The following ITPR1 variants were observed in gnomAD, a reference collection of about 807,000 sequenced individuals.
ITPR1 encodes the protein inositol 1,4,5-trisphosphate receptor type 1.
Under a neutral mutation model 318.4 loss-of-function variants are expected in ITPR1, and 96 were observed. That is an observed-to-expected ratio of 0.30 (90% CI 0.26 to 0.36). The LOEUF is 0.36. Ranked by LOEUF, ITPR1 falls within the 10% of genes least tolerant of loss-of-function variation. The probability of loss-of-function intolerance (pLI) is 1.00; values close to 1 mark genes in which losing one functional copy is unlikely to be tolerated. For missense variants in ITPR1, 2,440 were observed against 3,460.2 expected (o/e 0.71, Z 7.40); for synonymous variants, 1,312 against 1,289.9 (o/e 1.02, Z -0.37).
At chr3:4,626,094 G>T (rs950845266) in intron 4 of ITPR1, among the ~76,000 whole-genome samples, 3 of 151,976 alleles carry the variant, frequency 2.0e-5, no homozygotes, top group African/African-American at 7.3e-5. Context: ...TGCTATGATT[G>T]TCTGTGAATA....
intron 4 of ITPR1, among the ~76,000 whole-genome samples, chr3:4,549,384 T>C (rs1260197779): frequency 6.6e-6 from 1 of 152,168 alleles, no homozygotes; most frequent in African/African-American, 2.4e-5. Flanking sequence ...AGGAAAGAAC[T>C]TCTAAGCTTC....
chr3:4,709,246 G>A (rs1054956159), intron 37 of ITPR1, among the ~76,000 whole-genome samples: 6 of 152,126 alleles, frequency 3.9e-5, no homozygotes, highest in African/African-American at 1.2e-4. Flanking sequence ...GCAAAGTACC[G>A]TCTTACAGTC....
At position 4,800,613 on chromosome 3, in the gene ITPR1, A is replaced by AC; in HGVS notation, c.7107+15dup. The stretch of plus-strand genomic sequence containing the variant: ...GGGCGCTTTCAATGTAAGTGTGAAT[A>AC]CCTTCCTTGCCACTGTTTTGTTTGC... On this transcript the variant is annotated intron_variant, in intron 54 of 61. Transcript: ENST00000649015. 6.2e-7 allele frequency: 1 copy of AC among 1,612,142 alleles called. No homozygotes were observed. The highest frequency in any genetic ancestry group is 8.5e-7 in the Non-Finnish European group (1 of 1,178,450).
Position 4,634,642 on chromosome 3 carries a change from C to T in ITPR1, c.280-4742C>T, listed in dbSNP as rs140428093. The stretch of plus-strand genomic sequence containing the variant: ...CAAAAAAATATTAATTGATGTGATT[C>T]GTAAATTGTGTTCCTCAAAGATAAC... On this transcript the variant is annotated intron_variant, in intron 5 of 61. Transcript: ENST00000649015. Among the ~76,000 whole-genome samples the T allele has an allele frequency of 3.3e-5, 5 of 152,240 alleles. No homozygotes were observed. In the East Asian group the frequency reaches 7.7e-4, roughly 24 times the overall value.
intron 4 of ITPR1, among the ~76,000 whole-genome samples, chr3:4,607,512 A>G (rs1454662886): frequency 6.6e-6 from 1 of 152,166 alleles, no homozygotes; most frequent in African/African-American, 2.4e-5. Context: ...TGATCAAGGC[A>G]GGGGAATTGC....
chr3:4,801,264 C>T (rs920856374), intron 54 of ITPR1, among the ~76,000 whole-genome samples: 4 of 152,168 alleles, frequency 2.6e-5, no homozygotes, highest in Non-Finnish European at 4.4e-5. Flanking sequence ...AAATGCCTTC[C>T]AGGGGTTTCT....
At position 4,621,383 on chromosome 3, in the gene ITPR1, C is replaced by G. The variant is rs145136279; in HGVS notation, c.164-6380C>G. ...AACAACTAGATCTTGCGAGCACTCA[C>G]TCAGTATCATGAGCACAGCACCAAA... On this transcript the variant is annotated intron_variant, in intron 4 of 61. Coordinates refer to ENST00000649015, the MANE Select transcript of ITPR1 (RefSeq NM_001378452.1). Among the ~76,000 whole-genome samples, 149 of 152,216 alleles carry G rather than the reference C, an allele frequency of 9.8e-4. 1 individual carries two copies. The highest frequency in any genetic ancestry group is 3.4e-3 in the Middle Eastern group (1 of 294).
chr3:4,783,623 T>C (rs2046977794), intron 50 of ITPR1, among the ~76,000 whole-genome samples, 193 bp from the exon 51 acceptor site: 1 of 152,236 alleles, frequency 6.6e-6, no homozygotes, highest in African/African-American at 2.4e-5. Flanking sequence ...TTTCCATGCT[T>C]TTCTACCAAG....
intron 57 of ITPR1, 27 bp from the exon 58 acceptor site, chr3:4,814,396 C>G (rs906706759): frequency 1.2e-6 from 2 of 1,613,382 alleles, no homozygotes; most frequent in African/African-American, 1.3e-5. Context: ...CACGTTTTCT[C>G]TCTGTTGTTA....
chr3:4,504,208 C>T (rs539155032), intron 2 of ITPR1, among the ~76,000 whole-genome samples: 1 of 152,208 alleles, frequency 6.6e-6, no homozygotes, highest in East Asian at 1.9e-4. Flanking sequence ...TGAGAAATAA[C>T]TTTGTAGATA....
chr3:4,586,656 C>T (rs1307866504), intron 4 of ITPR1, among the ~76,000 whole-genome samples: 2 of 151,798 alleles, frequency 1.3e-5, no homozygotes, highest in Non-Finnish European at 2.9e-5. Flanking sequence ...ACTGCAGGCA[C>T]TGTCCCCATG....
intron 60 of ITPR1, 41 bp from the exon 61 acceptor site, chr3:4,836,733 G>C (rs1386610938): frequency 7.9e-7 from 1 of 1,264,996 alleles, no homozygotes; most frequent in Non-Finnish European, 1.0e-6. Flanking sequence ...AAGTGACTCA[G>C]TCTTTTTTTT....
intron 17 of ITPR1, among the ~76,000 whole-genome samples, chr3:4,666,543 C>G (rs745548220): frequency 1.3e-5 from 2 of 152,182 alleles, no homozygotes; most frequent in Non-Finnish European, 2.9e-5. Flanking sequence ...GGATCCTTTA[C>G]CAGTTGGCAG....
At chr3:4,679,570 A>G (rs1471116242) in intron 24 of ITPR1, among the ~76,000 whole-genome samples, 1 of 152,286 alleles carries the variant, frequency 6.6e-6, no homozygotes, top group East Asian at 1.9e-4. Flanking sequence ...CCCTCCGTGG[A>G]TTGGATGGTG....
intron 35 of ITPR1, among the ~76,000 whole-genome samples, chr3:4,700,606 T>C (rs1181112964): frequency 6.6e-6 from 1 of 152,106 alleles, no homozygotes; most frequent in African/African-American, 2.4e-5. Context: ...AGGATGCGAT[T>C]TGGGACCTCA....
chr3:4,767,201 C>T (rs889849812), intron 45 of ITPR1, among the ~76,000 whole-genome samples: 4 of 152,226 alleles, frequency 2.6e-5, no homozygotes, highest in African/African-American at 7.2e-5. Flanking sequence ...CTGAGCCTCA[C>T]GTTTCAAGTT....
rs181013319 is a variant in ITPR1 at position 4,831,731 on chromosome 3, G to A, written c.8029-5043G>A. 5.3e-5 allele frequency among the ~76,000 whole-genome samples: 8 copies of A among 152,342 alleles called. No individual in the cohort carries two copies. The East Asian group carries it at 7.7e-4, about 15-fold the overall frequency. Reference sequence around the variant, plus strand: ...TGCAAACATTTCTAGGCCTTCAGACGCTGGCTGGCTGGAGAGGCGTGGGTG... The same window carrying A: ...TGCAAACATTTCTAGGCCTTCAGACACTGGCTGGCTGGAGAGGCGTGGGTG... On this transcript the variant is annotated intron_variant, in intron 60 of 61. Coordinates refer to ENST00000649015, the MANE Select transcript of ITPR1 (RefSeq NM_001378452.1).
intron 4 of ITPR1, among the ~76,000 whole-genome samples, chr3:4,599,470 G>A (rs891964836): frequency 3.3e-5 from 5 of 152,222 alleles, no homozygotes; most frequent in Non-Finnish European, 1.5e-5. Context: ...ATTGCCAGAT[G>A]ACAACAAGTG....
At chr3:4,716,867 G>A (rs1035136432) in intron 39 of ITPR1, among the ~76,000 whole-genome samples, 28 of 152,092 alleles carry the variant, frequency 1.8e-4, no homozygotes, top group African/African-American at 6.5e-4. Context: ...GACCAGGCTG[G>A]GGATATGCTG....
Sources: allele counts gnomAD v4.1 joint callset (sites outside exome capture counted in the v4.1 genomes callset), GRCh38; gene constraint gnomAD v4.1.1; transcripts MANE v1.5; gene names NCBI Gene and HGNC (gene_info 2026-07-23, HGNC 2026-07-21).